ADCY9: variants seen among roughly 807,000 people sequenced by gnomAD.
ADCY9 encodes adenylate cyclase type 9.
ADCY9 carries 50 observed loss-of-function variants against 101.5 expected under a neutral mutation model. The ratio of observed to expected loss-of-function variants is 0.49; its 90% CI spans 0.39 to 0.62. ADCY9 has a LOEUF of 0.62. Ranked by LOEUF, ADCY9 falls within the 20% of genes least tolerant of loss-of-function variation. ADCY9 has a pLI of 0.00. For synonymous variants in ADCY9, 905 were observed against 769.3 expected, an observed-to-expected ratio of 1.18 and a Z score of -2.92; for missense variants, 1,662 against 1,800.4, an observed-to-expected ratio of 0.92 and a Z score of 1.39.
chr16:3,996,853 TTC>T (rs932833432), intron 3 of ADCY9, among the ~76,000 whole-genome samples: 17 of 152,084 alleles, frequency 1.1e-4, no homozygotes, highest in African/African-American at 4.1e-4. Context: ...TGCTGTGCTT[TTC>T]TCTCTTTTTT....
rs1481900391 is a variant in ADCY9 at position 3,983,375 on chromosome 16, A to G, written c.2376T>C (p.Phe792=). The G allele has an allele frequency of 1.9e-6, 3 of 1,607,250 alleles. No individual in the cohort carries two copies. Among genetic ancestry groups the G allele is most frequent in the African/African-American group, 2.7e-5 (2 of 74,774 alleles). The change falls in exon 7 of 11, where the codon TTT becomes TTC. Residue 792 remains phenylalanine (F), a synonymous_variant. Transcript: ENST00000294016. ...GCGTCAGAAACACTGTGGTCGACAG[A>G]AACACATCCAGGAGGGAGCTGAAGG... ...SPTFSSLLDV[F]LSTTVFLTLS... is the part of the protein sequence containing the mutation.
At chr16:4,067,564 G>C (rs1233869143) in intron 2 of ADCY9, among the ~76,000 whole-genome samples, 2 of 152,140 alleles carry the variant, frequency 1.3e-5, no homozygotes, top group South Asian at 4.2e-4. Flanking sequence ...CACCCTCCAG[G>C]GACAGCTGAG....
chr16:4,100,853 T>C (rs1422295558), intron 2 of ADCY9, among the ~76,000 whole-genome samples: 2 of 151,846 alleles, frequency 1.3e-5, no homozygotes, highest in Admixed American at 6.6e-5. Flanking sequence ...CCCAGGATCC[T>C]AGGATTTCAC....
chr16:4,083,699 A>G (rs2056919463), intron 2 of ADCY9, among the ~76,000 whole-genome samples: 1 of 152,252 alleles, frequency 6.6e-6, no homozygotes, highest in Non-Finnish European at 1.5e-5. Flanking sequence ...GCACTAATAC[A>G]TGCTACACCA....
intron 2 of ADCY9, among the ~76,000 whole-genome samples, chr16:4,091,134 C>T (rs746427704): frequency 3.9e-5 from 6 of 152,098 alleles, no homozygotes; most frequent in Non-Finnish European, 7.4e-5. Context: ...AGCGCAGTGG[C>T]ATGACCTCGG....
downstream of ADCY9, among the ~76,000 whole-genome samples, chr16:3,960,705 C>G (rs143729275): frequency 6.6e-6 from 1 of 152,184 alleles, no homozygotes; most frequent in East Asian, 1.9e-4. Flanking sequence ...CTAACAGGCA[C>G]GCGGATTACT....
intron 2 of ADCY9, among the ~76,000 whole-genome samples, chr16:4,080,459 G>A (rs557332481): frequency 6.9e-4 from 105 of 152,010 alleles, no homozygotes; most frequent in African/African-American, 2.2e-3. Flanking sequence ...GTTTTGCCAC[G>A]TTGGCCAGGC....
At chr16:4,004,667 C>G (rs2056355262) in intron 3 of ADCY9, among the ~76,000 whole-genome samples, 1 of 152,242 alleles carries the variant, frequency 6.6e-6, no homozygotes, top group African/African-American at 2.4e-5. Context: ...ATTTAACACT[C>G]AGTCTCTGAA....
chr16:4,085,660 C>A (rs2056933259), intron 2 of ADCY9, among the ~76,000 whole-genome samples: 1 of 152,036 alleles, frequency 6.6e-6, no homozygotes, highest in Non-Finnish European at 1.5e-5. Context: ...GAGAGGTCTG[C>A]GTTGCCTCCA....
intron 3 of ADCY9, among the ~76,000 whole-genome samples, chr16:4,004,745 G>T (rs189912764): frequency 1.0e-3 from 159 of 152,280 alleles, no homozygotes; most frequent in African/African-American, 3.4e-3. Context: ...CAGCCAAGTG[G>T]GACAGACTGA....
chr16:4,013,675 C>T (rs1327952037), intron 2 of ADCY9, among the ~76,000 whole-genome samples: 1 of 152,186 alleles, frequency 6.6e-6, no homozygotes, highest in Non-Finnish European at 1.5e-5. Context: ...AGGTCGGAAA[C>T]GACCAAGCGG....
chr16:4,014,148 G>A (rs1410674987), intron 2 of ADCY9, among the ~76,000 whole-genome samples: 2 of 151,988 alleles, frequency 1.3e-5, no homozygotes, highest in Non-Finnish European at 2.9e-5. Context: ...GCGAAATCCC[G>A]TCTCTACTAA....
intron 2 of ADCY9, among the ~76,000 whole-genome samples, chr16:4,072,968 T>C (rs1481616206): frequency 2.0e-4 from 21 of 106,458 alleles, no homozygotes; most frequent in Non-Finnish European, 7.7e-5. Context: ...AAAAAATTTT[T>C]CAACACAAAC....
rs116206549 is a variant in ADCY9, at chr16:4,056,878, T to C, written c.1694-49320A>G. On this transcript the variant is annotated intron_variant, in intron 2 of 10. Coordinates refer to ENST00000294016, the MANE Select transcript of ADCY9 (RefSeq NM_001116.4). ...CCAGGTTGCCTGTTCTGAAGCTGTC[T>C]CAAGACAGTGACCATCACCCAGGCT... Among the ~76,000 whole-genome samples the C allele has an allele frequency of 1.5e-3, 232 of 152,272 alleles. 1 individual carries two copies. The highest frequency in any genetic ancestry group is 5.3e-3 in the African/African-American group (220 of 41,558).
At position 4,115,849 on chromosome 16, in the gene ADCY9, C is replaced by A; in HGVS notation, c.-203G>T. The A allele has an allele frequency of 2.5e-6, 1 of 400,990 alleles. No individual in the cohort carries two copies. The highest frequency in any genetic ancestry group is 1.2e-4 in the South Asian group (1 of 8,242). The allele number at this position is 400,990 out of a possible 1,614,324, so 24.8% of individuals were successfully genotyped here. On this transcript the variant is annotated 5_prime_UTR_variant, in exon 1 of 11. It removes the in-frame stop codon of an upstream open reading frame in the 5' UTR. Transcript: ENST00000294016. This position sits in a 1 kb window ranked among gnomAD's most constrained non-coding sequence, Gnocchi z 6.2. ...CCAGCTGCGGCTCCGGAGGGAAGTT[C>A]AGACCTTGAGCGCTCCCAGCCCCGC...
At chr16:4,035,720 C>T (rs572446401) in intron 2 of ADCY9, among the ~76,000 whole-genome samples, 6 of 152,142 alleles carry the variant, frequency 3.9e-5, no homozygotes, top group Admixed American at 3.3e-4. Context: ...CCAAGGGGGC[C>T]GGGCACGGTG....
downstream of ADCY9, chr16:3,962,580 T>C (rs1228232221): frequency 1.3e-5 from 2 of 152,184 alleles, no homozygotes; most frequent in Non-Finnish European, 2.9e-5. Context: ...AAACACGAGC[T>C]GTCCAAGGAA....
intron 10 of ADCY9, among the ~76,000 whole-genome samples, chr16:3,967,658 G>T (rs2056011469): frequency 6.7e-6 from 1 of 150,136 alleles, no homozygotes; most frequent in Non-Finnish European, 1.5e-5. Flanking sequence ...CTTCCAAAGT[G>T]CTGGGATTAC....
intron 2 of ADCY9, among the ~76,000 whole-genome samples, chr16:4,010,454 A>T (rs1443690177): frequency 6.6e-6 from 1 of 152,248 alleles, no homozygotes; most frequent in Admixed American, 6.5e-5. Flanking sequence ...ACGTGCCTCA[A>T]GCACATCTCC....
Sources: allele counts gnomAD v4.1 joint callset (sites outside exome capture counted in the v4.1 genomes callset), GRCh38; gene constraint gnomAD v4.1.1; non-coding constraint Gnocchi (gnomAD v3.1); transcripts MANE v1.5; gene names NCBI Gene and HGNC (gene_info 2026-07-23, HGNC 2026-07-21).